The following SAMD3 variants were observed in gnomAD, a reference collection of about 807,000 sequenced individuals.
SAMD3 encodes the protein sterile alpha motif domain containing 3, also known as sterile alpha motif domain-containing protein 3.
A neutral mutation model predicts 58.5 loss-of-function variants in SAMD3; 63 were observed. The ratio of observed to expected loss-of-function variants is 1.08; its 90% CI spans 0.88 to 1.33. SAMD3 has a LOEUF of 1.33. Ranked by LOEUF, SAMD3 falls within the 40% of genes most tolerant of loss-of-function variation. The pLI is 0.00. For synonymous variants in SAMD3, 220 were observed against 210.3 expected (o/e 1.05, Z -0.40); for missense variants, 604 against 608.4 (o/e 0.99, Z 0.08).
intron 2 of SAMD3, among the ~76,000 whole-genome samples, chr6:130,238,161 T>A (rs893948982): frequency 6.6e-6 from 1 of 152,168 alleles, no homozygotes. Context: ...TTCAGCATTA[T>A]CAATATTTTA....
chr6:130,357,300 A>G (rs1777862360), intron 1 of SAMD3, among the ~76,000 whole-genome samples: 1 of 151,720 alleles, frequency 6.6e-6, no homozygotes, highest in African/African-American at 2.4e-5. Context: ...AATTTTTTGT[A>G]TTTTTAGTAG....
At chr6:130,314,623 TAAGAA>T (rs1776298314) in intron 1 of SAMD3, among the ~76,000 whole-genome samples, 1 of 152,190 alleles carries the variant, frequency 6.6e-6, no homozygotes, top group Non-Finnish European at 1.5e-5. Context: ...GATTTAGCCA[TAAGAA>T]GTAACCAAAA....
At chr6:130,148,490 G>A (rs1788844728) in intron 9 of SAMD3, among the ~76,000 whole-genome samples, 2 of 152,164 alleles carry the variant, frequency 1.3e-5, no homozygotes, top group Non-Finnish European at 2.9e-5. Flanking sequence ...GTTTGTTGTT[G>A]TTGTTTTCAT....
chr6:130,163,182 A>T (rs35542373), intron 8 of SAMD3, among the ~76,000 whole-genome samples: 1 of 152,150 alleles, frequency 6.6e-6, no homozygotes, highest in African/African-American at 2.4e-5. Context: ...CTCATTAAAA[A>T]TTTTTAAGAA....
intron 2 of SAMD3, among the ~76,000 whole-genome samples, chr6:130,291,758 A>T (rs1197221066): frequency 2.6e-5 from 4 of 152,184 alleles, no homozygotes; most frequent in Non-Finnish European, 2.9e-5. Context: ...TAGTGACATA[A>T]GTGTATATTT....
intron 2 of SAMD3, among the ~76,000 whole-genome samples, chr6:130,253,670 T>C (rs925999863): frequency 2.0e-5 from 3 of 152,092 alleles, no homozygotes; most frequent in African/African-American, 7.2e-5. Context: ...AAAGTAAATA[T>C]CAATGCTTTC....
chr6:130,364,020 C>T (rs1388587501), intron 1 of SAMD3, among the ~76,000 whole-genome samples: 2 of 152,106 alleles, frequency 1.3e-5, no homozygotes, highest in African/African-American at 4.8e-5. Context: ...AAATTTATAA[C>T]TAATGTGTTG....
At chr6:130,207,989 C>T (rs896069306) in intron 5 of SAMD3, among the ~76,000 whole-genome samples, 2 of 152,226 alleles carry the variant, frequency 1.3e-5, no homozygotes, top group Non-Finnish European at 2.9e-5. Context: ...GCCCTCAGTC[C>T]CCTGAGCTCT....
In SAMD3 at chr6:130,243,315, A is replaced by G. The variant is rs148353622; in HGVS notation, c.-187-20502T>C. Among the ~76,000 whole-genome samples, 833 of 152,298 alleles carry G rather than the reference A, an allele frequency of 5.5e-3. 6 individuals carry two copies. Among genetic ancestry groups the G allele is most frequent in the African/African-American group, 0.019 (790 of 41,568 alleles). ...TCCCTTCCTCTTCTCTGATCCCACC[A>G]GACTTTGCTGAGTCCTTCAAGTAAA... On this transcript the variant is annotated intron_variant, in intron 2 of 13. Transcript: ENST00000368134.
intron 2 of SAMD3, among the ~76,000 whole-genome samples, chr6:130,244,890 T>C (rs1430998769): frequency 6.6e-6 from 1 of 152,216 alleles, no homozygotes; most frequent in Non-Finnish European, 1.5e-5. Flanking sequence ...GGGCCCCTAG[T>C]GATCCCTCAG....
At chr6:130,262,693 G>T (rs970232579) in intron 2 of SAMD3, among the ~76,000 whole-genome samples, 3 of 152,004 alleles carry the variant, frequency 2.0e-5, no homozygotes, top group Non-Finnish European at 2.9e-5. Flanking sequence ...TATGTGCAAG[G>T]TATATAAAGA....
At chr6:130,208,569 G>A (rs1795274742) in intron 5 of SAMD3, among the ~76,000 whole-genome samples, 1 of 152,126 alleles carries the variant, frequency 6.6e-6, no homozygotes, top group Admixed American at 6.5e-5. Flanking sequence ...AAACCCTACT[G>A]TGAACTGTGC....
intron 1 of SAMD3, among the ~76,000 whole-genome samples, chr6:130,321,889 C>T (rs1464270495): frequency 1.3e-5 from 2 of 152,174 alleles, no homozygotes; most frequent in East Asian, 3.8e-4. Flanking sequence ...AACTCAAGGA[C>T]AGAGGCCATC....
intron 2 of SAMD3, among the ~76,000 whole-genome samples, chr6:130,245,457 G>A (rs1457164533): frequency 6.6e-6 from 1 of 152,204 alleles, no homozygotes; most frequent in African/African-American, 2.4e-5. Flanking sequence ...TCCATGTGTT[G>A]ACACTCTCAA....
intron 2 of SAMD3, among the ~76,000 whole-genome samples, chr6:130,285,687 T>C (rs1020762737): frequency 1.3e-5 from 2 of 152,254 alleles, no homozygotes; most frequent in Admixed American, 1.3e-4. Flanking sequence ...CATTGCTAGT[T>C]GTATTTTCTG....
intron 8 of SAMD3, among the ~76,000 whole-genome samples, chr6:130,166,135 C>T (rs1401110112): frequency 6.6e-6 from 1 of 152,182 alleles, no homozygotes; most frequent in Non-Finnish European, 1.5e-5. Context: ...CCATTCATGG[C>T]ACCACAGCCC....
intron 1 of SAMD3, among the ~76,000 whole-genome samples, chr6:130,217,553 G>A (rs889723954): frequency 1.3e-5 from 2 of 152,114 alleles, no homozygotes; most frequent in African/African-American, 2.4e-5. Flanking sequence ...GAAGAGGTAA[G>A]ACTTCAGCTA....
chr6:130,215,684 A>C lies in SAMD3; in HGVS notation c.-21-390T>G. 4.9e-6 allele frequency: 7 copies of C among 1,438,320 alleles called. No homozygotes were observed. The South Asian group carries it at 1.0e-4, about 21-fold the overall frequency. 89.1% of individuals were successfully genotyped at this position (1,438,320 alleles called of 1,614,324 possible). A position where few individuals can be genotyped will look rare whatever the true frequency, so the allele number is the denominator to read the frequency against. On this transcript the variant is annotated intron_variant, in intron 2 of 11. Transcript: ENST00000439090. ...ATTCACCACTACCAGGCTCCTCAGG[A>C]AGTGGTTGACATTTACAGAAGGGGT...
intron 5 of SAMD3, among the ~76,000 whole-genome samples, chr6:130,185,856 T>C (rs183713632): frequency 1.6e-3 from 247 of 152,204 alleles, no homozygotes; most frequent in South Asian, 3.3e-3. Flanking sequence ...CATCTCGAAC[T>C]CTAGGCTCAA....
Sources: gnomAD v4.1 joint callset for allele counts (sites outside exome capture counted in the v4.1 genomes callset) on GRCh38, gnomAD v4.1.1 for gene constraint, MANE v1.5 for transcripts, NCBI Gene and HGNC (gene_info 2026-07-23, HGNC 2026-07-21) for gene names.